The following KIAA1217 variants were observed in gnomAD, a reference collection of about 807,000 sequenced individuals.
KIAA1217 encodes the protein sickle tail protein homolog.
A neutral mutation model predicts 163.9 loss-of-function variants in KIAA1217; 88 were observed. The ratio of observed to expected loss-of-function variants is 0.54; its 90% CI spans 0.45 to 0.64. The LOEUF (loss-of-function observed/expected upper bound fraction) is 0.64, where lower values mean the gene tolerates loss of function less well. KIAA1217 is among the 30% of genes least tolerant of loss of function. The pLI, the probability that KIAA1217 is intolerant of heterozygous loss-of-function variation, is 0.00. For missense variants in KIAA1217, 2,372 were observed against 2,475.0 expected, an observed-to-expected ratio of 0.96 and a Z score of 0.88; for synonymous variants, 903 against 923.1, an observed-to-expected ratio of 0.98 and a Z score of 0.39.
chr10:23,976,032 A>G (rs1845526450), intron 1 of KIAA1217, among the ~76,000 whole-genome samples: 1 of 152,090 alleles, frequency 6.6e-6, no homozygotes, highest in Non-Finnish European at 1.5e-5. Context: ...ACAGATCCAG[A>G]ATGAATTCAG....
chr10:23,899,516 G>A (rs895038758), intron 1 of KIAA1217, among the ~76,000 whole-genome samples: 2 of 152,102 alleles, frequency 1.3e-5, no homozygotes, highest in Non-Finnish European at 2.9e-5. Flanking sequence ...GAGAGAGAAA[G>A]TATTCTATAT....
intron 1 of KIAA1217, among the ~76,000 whole-genome samples, chr10:23,792,264 G>A (rs1835982973): frequency 1.3e-5 from 2 of 152,272 alleles, no homozygotes; most frequent in Admixed American, 6.5e-5. Flanking sequence ...TGCTTTCAGA[G>A]CCAAGCTATG....
chr10:24,445,264 C>T (rs1023735464), intron 5 of KIAA1217, among the ~76,000 whole-genome samples: 1 of 152,118 alleles, frequency 6.6e-6, no homozygotes, highest in South Asian at 2.1e-4. Context: ...TGTTTATACA[C>T]AGCCCACAGC....
At chr10:24,504,169 T>G (rs2068042791) in intron 9 of KIAA1217, among the ~76,000 whole-genome samples, 1 of 152,078 alleles carries the variant, frequency 6.6e-6, no homozygotes, top group South Asian at 2.1e-4. Context: ...AAGAGCAGTT[T>G]TCTTAAACAA....
intron 1 of KIAA1217, among the ~76,000 whole-genome samples, chr10:23,805,640 A>G (rs1028100756): frequency 1.3e-5 from 2 of 152,186 alleles, no homozygotes; most frequent in African/African-American, 4.8e-5. Flanking sequence ...AAGTTTGCCT[A>G]TGTAACAAAC....
chr10:24,390,471 G>GAGAGGGAT (rs2054721060), intron 3 of KIAA1217, among the ~76,000 whole-genome samples: 1 of 115,090 alleles, frequency 8.7e-6, no homozygotes, highest in Admixed American at 8.5e-5. Flanking sequence ...GAGGGAGGGA[G>GAGAGGGAT]GGAGGGAAGG....
chr10:24,087,858 C>A (rs139855434), intron 2 of KIAA1217, among the ~76,000 whole-genome samples: 1 of 152,276 alleles, frequency 6.6e-6, no homozygotes, highest in Non-Finnish European at 1.5e-5. Flanking sequence ...CTGCCTGCAG[C>A]GGTGTTAGAA....
intron 8 of KIAA1217, among the ~76,000 whole-genome samples, chr10:24,499,001 G>A (rs1214196661): frequency 1.3e-5 from 2 of 152,208 alleles, no homozygotes; most frequent in Non-Finnish European, 2.9e-5. Flanking sequence ...TCCTTTGGCT[G>A]AGGAATTAGC....
intron 2 of KIAA1217, among the ~76,000 whole-genome samples, chr10:24,268,061 C>A: frequency 6.6e-6 from 1 of 152,166 alleles, no homozygotes; most frequent in East Asian, 1.9e-4. Flanking sequence ...ATCATCTGTA[C>A]ACTAACAGTA....
intron 1 of KIAA1217, among the ~76,000 whole-genome samples, chr10:23,705,710 T>G (rs1836837749): frequency 6.6e-6 from 1 of 152,206 alleles, no homozygotes; most frequent in African/African-American, 2.4e-5. Flanking sequence ...TAAGATTGTT[T>G]TGGCTATCTC....
intron 1 of KIAA1217, among the ~76,000 whole-genome samples, chr10:23,818,519 G>C (rs893878450): frequency 6.6e-6 from 1 of 151,824 alleles, no homozygotes; most frequent in African/African-American, 2.4e-5. Flanking sequence ...GCCCCAGCAA[G>C]AGGAAGGAAT....
At chr10:23,765,183 TTC>T (rs1287876801) in intron 1 of KIAA1217, among the ~76,000 whole-genome samples, 1 of 140,786 alleles carries the variant, frequency 7.1e-6, no homozygotes, top group Non-Finnish European at 1.5e-5. Flanking sequence ...CCCTTTTTTG[TTC>T]TCTTTTTTTT....
intron 2 of KIAA1217, among the ~76,000 whole-genome samples, chr10:24,319,791 A>G (rs1255959237): frequency 1.3e-5 from 2 of 152,228 alleles, no homozygotes; most frequent in Non-Finnish European, 2.9e-5. Flanking sequence ...TGTATTCAGA[A>G]CCATAGTTTT....
At chr10:24,153,214 C>T (rs980006991) in intron 2 of KIAA1217, among the ~76,000 whole-genome samples, 4 of 152,180 alleles carry the variant, frequency 2.6e-5, no homozygotes, top group Non-Finnish European at 4.4e-5. Flanking sequence ...CTTCATATAA[C>T]ATTAAGGGCT....
At chr10:23,767,551 C>T (rs1588756914) in intron 1 of KIAA1217, among the ~76,000 whole-genome samples, 1 of 152,066 alleles carries the variant, frequency 6.6e-6, no homozygotes, top group East Asian at 1.9e-4. Flanking sequence ...GACTGGGAAA[C>T]ATAGTGAGAG....
chr10:24,530,933 A>G (rs2135023641), intron 14 of KIAA1217, among the ~76,000 whole-genome samples: 1 of 152,066 alleles, frequency 6.6e-6, no homozygotes, highest in East Asian at 1.9e-4. Context: ...AGTGGCTCAC[A>G]CCTGTAATCC....
chr10:24,023,732 A>G lies in KIAA1217; in HGVS notation c.-171+16358A>G, dbSNP rs1300574717. Among the ~76,000 whole-genome samples the G allele has an allele frequency of 2.6e-5, 4 of 151,914 alleles. No individual in the cohort carries two copies. In the East Asian group the frequency reaches 7.7e-4, roughly 29 times the overall value. On this transcript the variant is annotated intron_variant, in intron 2 of 18. Transcript: ENST00000376462. ...CTTTAGTCATAATACAAAATAATGA[A>G]AACAGAATAATCAAATTGTAATATT...
chr10:23,833,045 G>T (rs1358887065), intron 1 of KIAA1217, among the ~76,000 whole-genome samples: 1 of 152,006 alleles, frequency 6.6e-6, no homozygotes, highest in Non-Finnish European at 1.5e-5. Context: ...GATGAGATTT[G>T]GGTGGGGACA....
chr10:24,234,415 A>G (rs1590107945), intron 2 of KIAA1217, among the ~76,000 whole-genome samples: 1 of 152,166 alleles, frequency 6.6e-6, no homozygotes, highest in Middle Eastern at 3.4e-3. Flanking sequence ...TGTAATCCCA[A>G]CACTTTGGGA....
Sources: allele counts gnomAD v4.1 joint callset (sites outside exome capture counted in the v4.1 genomes callset), GRCh38; gene constraint gnomAD v4.1.1; transcripts MANE v1.5; gene names NCBI Gene and HGNC (gene_info 2026-07-23, HGNC 2026-07-21).